Variants in DCAF17 observed in about 807,000 individuals in gnomAD.
DCAF17 encodes the protein DDB1 and CUL4 associated factor 17, also known as DDB1- and CUL4-associated factor 17.
A neutral mutation model predicts 66.0 loss-of-function variants in DCAF17; 48 were observed. That is an observed-to-expected ratio of 0.73 (90% CI 0.58 to 0.92). The LOEUF is 0.92. DCAF17 is among the 40% of genes least tolerant of loss of function. The pLI is 0.00. For missense variants in DCAF17, 562 were observed against 622.8 expected (o/e 0.90, Z 1.04); for synonymous variants, 206 against 214.6 (o/e 0.96, Z 0.35).
intron 9 of DCAF17, among the ~76,000 whole-genome samples, chr2:171,470,572 C>T (rs1440607449): frequency 6.6e-6 from 1 of 152,146 alleles, no homozygotes. Context: ...TGGCCCAGCC[C>T]AGTGACGTTC....
At chr2:171,436,491 G>T (rs1693964739) in intron 2 of DCAF17, among the ~76,000 whole-genome samples, 1 of 152,194 alleles carries the variant, frequency 6.6e-6, no homozygotes, top group Non-Finnish European at 1.5e-5. Flanking sequence ...AACACTTGAT[G>T]TGTGACTCAC....
In DCAF17 at chr2:171,434,724, G is replaced by A. The variant is rs773066148; in HGVS notation, c.126+21G>A. 1.8e-5 allele frequency: 25 copies of A among 1,423,864 alleles called. No homozygotes were observed. The South Asian group carries it at 3.6e-4, about 21-fold the overall frequency. 88.2% of individuals were successfully genotyped at this position (1,423,864 alleles called of 1,614,324 possible). A position where few individuals can be genotyped will look rare whatever the true frequency, so the allele number is the denominator to read the frequency against. ...GCCAGGTGACCGCCAGCCGGCCGGGGCGGGACGGAGGGCCGCGGGCGCGCG... is the reference window on the plus strand; with the variant it reads ...GCCAGGTGACCGCCAGCCGGCCGGGACGGGACGGAGGGCCGCGGGCGCGCG... On this transcript the variant is annotated intron_variant, in intron 1 of 13. Coordinates refer to ENST00000375255, the MANE Select transcript of DCAF17 (RefSeq NM_025000.4).
chr2:171,446,150 ATTGT>A (rs1407014119), intron 3 of DCAF17, among the ~76,000 whole-genome samples: 1 of 152,192 alleles, frequency 6.6e-6, no homozygotes, highest in Non-Finnish European at 1.5e-5. Context: ...CGAAAGGAAC[ATTGT>A]TTGTTTTCTC....
intron 10 of DCAF17, among the ~76,000 whole-genome samples, chr2:171,476,048 A>G (rs897216792): frequency 2.0e-5 from 3 of 152,204 alleles, no homozygotes; most frequent in Non-Finnish European, 4.4e-5. Context: ...GCCACTAAAA[A>G]AACTAAGTGA....
chr2:171,468,973 T>G lies in DCAF17; in HGVS notation c.924T>G (p.Pro308=). The G allele has an allele frequency of 6.2e-7, 1 of 1,614,094 alleles. No individual in the cohort carries two copies. Among genetic ancestry groups the G allele is most frequent in the South Asian group, 1.1e-5 (1 of 91,078 alleles). The change falls in exon 9 of 14, where the codon CCT becomes CCG. Residue 308 remains proline (P), a synonymous_variant. Coordinates refer to ENST00000375255, the MANE Select transcript of DCAF17 (RefSeq NM_025000.4). ...ATCCTTGGCACTACATCGTCACACC[T>G]AATAAGAAGAAACAGAAAGGAGTTT... ...GGHPWHYIVT[P]NKKKQKGVFH... is the part of the protein sequence containing the mutation.
chr2:171,462,507 A>G (rs148670567), intron 8 of DCAF17, among the ~76,000 whole-genome samples: 1 of 152,334 alleles, frequency 6.6e-6, no homozygotes, highest in African/African-American at 2.4e-5. Context: ...TAAAATTATT[A>G]TAAGATAACA....
At chr2:171,448,916 C>T in intron 4 of DCAF17, 99 bp downstream of exon 4, 7 of 1,076,968 alleles carry the variant, frequency 6.5e-6, no homozygotes, top group Non-Finnish European at 9.8e-6. Context: ...GTTTTCTAAT[C>T]CATTACCAGA....
At chr2:171,462,907 C>T (rs758412198) in intron 8 of DCAF17, among the ~76,000 whole-genome samples, 11 of 152,020 alleles carry the variant, frequency 7.2e-5, no homozygotes, top group Non-Finnish European at 1.3e-4. Context: ...ATAGCTGTAT[C>T]ACAAATTTAA....
intron 1 of DCAF17, 111 bp from the exon 2 acceptor site, chr2:171,434,972 A>T: frequency 9.5e-7 from 1 of 1,055,924 alleles, no homozygotes; most frequent in Non-Finnish European, 1.4e-6. Context: ...TGGAGGAAGG[A>T]TGCAAAAAGT....
At chr2:171,475,938 G>A (rs1696478097) in intron 10 of DCAF17, among the ~76,000 whole-genome samples, 1 of 152,148 alleles carries the variant, frequency 6.6e-6, no homozygotes, top group Admixed American at 6.5e-5. Context: ...TACTTTTAAT[G>A]TTTGTTACCA....
chr2:171,448,008 G>A (rs1296761579), intron 3 of DCAF17, among the ~76,000 whole-genome samples: 1 of 152,204 alleles, frequency 6.6e-6, no homozygotes. Flanking sequence ...CTTTTCATTT[G>A]AGCTTAGGTT....
At chr2:171,454,726 G>A (rs982868055) in intron 6 of DCAF17, among the ~76,000 whole-genome samples, 27 of 151,658 alleles carry the variant, frequency 1.8e-4, no homozygotes, top group Non-Finnish European at 2.8e-4. Context: ...GTGAAGCCCC[G>A]TCTCTACTAA....
At chr2:171,471,563 A>G (rs2105800009) in intron 9 of DCAF17, among the ~76,000 whole-genome samples, 1 of 152,376 alleles carries the variant, frequency 6.6e-6, no homozygotes, top group African/African-American at 2.4e-5. Context: ...AGTGGTTACA[A>G]TCAATCAACA....
At chr2:171,438,695 A>T (rs771883446) in intron 2 of DCAF17, among the ~76,000 whole-genome samples, 2 of 152,002 alleles carry the variant, frequency 1.3e-5, no homozygotes, top group Non-Finnish European at 2.9e-5. Context: ...GTGTTTACAC[A>T]TTGTATCTTT....
intron 8 of DCAF17, among the ~76,000 whole-genome samples, chr2:171,468,489 T>C (rs1455444229): frequency 6.6e-6 from 1 of 152,216 alleles, no homozygotes; most frequent in African/African-American, 2.4e-5. Flanking sequence ...AATTACCTTG[T>C]AGGATTATTA....
In DCAF17 at chr2:171,445,657, A is replaced by G. The variant is rs141049881; in HGVS notation, c.321+2044A>G. On this transcript the variant is annotated intron_variant, in intron 3 of 13. Transcript: ENST00000375255. ...AATTATTTTGATAGGCAAGTTATAA[A>G]TAGTATATTTTTTAAAACTTAAATT... is the stretch of plus-strand genomic sequence containing the variant. Among the ~76,000 whole-genome samples, 432 of 152,316 alleles carry G rather than the reference A, an allele frequency of 2.8e-3. 4 individuals are homozygous for G. Among genetic ancestry groups the G allele is most frequent in the African/African-American group, 1.0e-2 (414 of 41,570 alleles).
chr2:171,472,078 C>T lies in DCAF17; in HGVS notation c.982-1788C>T, dbSNP rs1227064124. ...CACTTACAATATAACCCCAGCCTAC[C>T]TCTCCAGTATCATGGCTGGATGCTA... On this transcript the variant is annotated intron_variant, in intron 9 of 13. Coordinates refer to ENST00000375255, the MANE Select transcript of DCAF17 (RefSeq NM_025000.4). 2.0e-5 allele frequency among the ~76,000 whole-genome samples: 3 copies of T among 152,146 alleles called. No individual in the cohort carries two copies. In the East Asian group the frequency reaches 5.8e-4, roughly 29 times the overall value.
rs1172569470 is a variant in DCAF17, at chr2:171,434,542, G to A, written c.-36G>A. On this transcript the variant is annotated 5_prime_UTR_variant, in exon 1 of 14. Transcript: ENST00000375255. The stretch of plus-strand genomic sequence containing the variant: ...ACGGGAGTGTGGGGCGCGCCACTCG[G>A]CGGCCCAGCCTACCCAGGGCCCGGC... The A allele has an allele frequency of 5.3e-5, 80 of 1,523,712 alleles. No homozygotes were observed. The highest frequency in any genetic ancestry group is 6.9e-5 in the Non-Finnish European group (79 of 1,140,546). 94.4% of individuals were successfully genotyped at this position (1,523,712 alleles called of 1,614,324 possible).
rs184741043 is a variant in DCAF17 at position 171,481,568 on chromosome 2, A to C, written c.*454A>C. 8.8e-6 allele frequency: 4 copies of C among 454,150 alleles called. No individual in the cohort carries two copies. The highest frequency in any genetic ancestry group is 7.0e-5 in the Admixed American group (3 of 42,560). 28.1% of individuals were successfully genotyped at this position (454,150 alleles called of 1,614,324 possible). A position where few individuals can be genotyped will look rare whatever the true frequency, so the allele number is the denominator to read the frequency against. On this transcript the variant is annotated 3_prime_UTR_variant, in exon 14 of 14. Coordinates refer to ENST00000375255, the MANE Select transcript of DCAF17 (RefSeq NM_025000.4). ...CCTCTATACCAAACTTTGCTTAAGG[A>C]TGAGAAATGAGATGTGTTATGTGAG...
Sources: allele counts gnomAD v4.1 joint callset (sites outside exome capture counted in the v4.1 genomes callset), GRCh38; gene constraint gnomAD v4.1.1; transcripts MANE v1.5; gene names NCBI Gene and HGNC (gene_info 2026-07-23, HGNC 2026-07-21).